NUF2: variants seen among roughly 807,000 people sequenced by gnomAD.
NUF2 encodes kinetochore protein Nuf2.
Under a neutral mutation model 61.8 loss-of-function variants are expected in NUF2, and 34 were observed. That is an observed-to-expected ratio of 0.55 (90% CI 0.42 to 0.73). The LOEUF (loss-of-function observed/expected upper bound fraction) is 0.73, where lower values mean the gene tolerates loss of function less well. Among genes scored for constraint, NUF2 ranks in the 30% least tolerant of loss-of-function variants. NUF2 has a pLI of 0.00. For synonymous variants in NUF2, 172 were observed against 181.6 expected (o/e 0.95, Z 0.42); for missense variants, 445 against 539.1 (o/e 0.83, Z 1.73).
In NUF2 at chr1:163,348,964, G is replaced by A. The variant is rs760423704; in HGVS notation, c.1144G>A (p.Glu382Lys). Residue 382 changes from glutamate (E) to lysine (K), a missense_variant, in exon 13 of 14, where the codon GAA (glutamate) becomes AAA (lysine). Glu to Lys is a moderately conservative substitution (Grantham distance 56). Transcript: ENST00000271452. ...TTTCAGGGATTGCAATAAAGTTCAA[G>A]AAAAAAGAGGTGCTGTCTATGAACG... ...TVIEDCNKVQ[E>K]KRGAVYERVT... 8 of 1,603,264 alleles carry A rather than the reference G, an allele frequency of 5.0e-6. No homozygotes were observed. The African/African-American group carries it at 1.1e-4, about 22-fold the overall frequency.
At chr1:163,341,832 G>A (rs1043888705) in intron 9 of NUF2, among the ~76,000 whole-genome samples, 13 of 152,008 alleles carry the variant, frequency 8.6e-5, no homozygotes, top group Non-Finnish European at 1.6e-4. Flanking sequence ...GTTTTACCAT[G>A]TTGGCCAGGC....
Position 163,355,113 on chromosome 1 carries a change from C to T in NUF2, c.1261-222C>T, listed in dbSNP as rs547097134. On this transcript the variant is annotated intron_variant, in intron 13 of 13. Coordinates refer to ENST00000271452, the MANE Select transcript of NUF2 (RefSeq NM_145697.3). ...TAGAATCCTAACCATTGTCTCATGT[C>T]GCTCCTTTGTTCCTTAAGTAGCAAA... 4.8e-5 allele frequency among the ~76,000 whole-genome samples: 6 copies of T among 124,776 alleles called. No individual in the cohort carries two copies. The East Asian group carries it at 7.5e-4, about 16-fold the overall frequency. 81.9% of individuals were successfully genotyped at this position (124,776 alleles called of 152,430 possible).
chr1:163,324,959 C>T (rs1335469289), intron 1 of NUF2, among the ~76,000 whole-genome samples: 1 of 144,462 alleles, frequency 6.9e-6, no homozygotes, highest in Non-Finnish European at 1.5e-5. Context: ...TGCAGTGGTG[C>T]GATCTCAGTT....
At chr1:163,350,738 A>G (rs1469473452) in intron 13 of NUF2, among the ~76,000 whole-genome samples, 6 of 151,662 alleles carry the variant, frequency 4.0e-5, no homozygotes, top group Admixed American at 6.6e-5. Flanking sequence ...ATCCTCACCC[A>G]AACACATTGA....
chr1:163,347,651 G>C, intron 11 of NUF2, 112 bp from the exon 12 acceptor site: 1 of 775,216 alleles, frequency 1.3e-6, no homozygotes, highest in Non-Finnish European at 1.9e-6. Context: ...AAAGAGTTTT[G>C]TCTCTTTTTA....
At chr1:163,328,117 A>C (rs1318011251) in intron 3 of NUF2, 111 bp from the exon 4 acceptor site, 2 of 639,462 alleles carry the variant, frequency 3.1e-6, no homozygotes, top group African/African-American at 3.7e-5. Flanking sequence ...GATATGTATT[A>C]AGGTTTTTAA....
chr1:163,340,459 G>A, intron 9 of NUF2, 33 bp downstream of exon 9: 1 of 1,510,674 alleles, frequency 6.6e-7, no homozygotes, highest in East Asian at 2.3e-5. Context: ...AGCATTTAAA[G>A]TTTGAATATA....
At chr1:163,351,255 T>G (rs1271663891) in intron 13 of NUF2, among the ~76,000 whole-genome samples, 1 of 152,184 alleles carries the variant, frequency 6.6e-6, no homozygotes, top group Non-Finnish European at 1.5e-5. Context: ...AGCATAATAT[T>G]GGGGTAGATT....
At position 163,347,883 on chromosome 1, in the gene NUF2, T is replaced by C. The variant is rs747296311; in HGVS notation, c.1069T>C (p.Phe357Leu). Residue 357 changes from phenylalanine to leucine, a missense_variant, in exon 12 of 14, where the codon TTC becomes CTC. By Grantham distance (22) the Phe-to-Leu change is conservative (BLOSUM62 0). Coordinates refer to ENST00000271452, the MANE Select transcript of NUF2 (RefSeq NM_145697.3). ...GAAGGAAAAACTTGCCACAGCACAA[T>C]TCAAAATAAATAAGAAGCATGAAGA... Reference protein sequence around the residue: ...VKKEKLATAQFKINKKHEDVK... With the variant: ...VKKEKLATAQLKINKKHEDVK... 1.2e-6 allele frequency: 2 copies of C among 1,608,342 alleles called. No individual in the cohort carries two copies. Among genetic ancestry groups the C allele is most frequent in the Non-Finnish European group, 1.7e-6 (2 of 1,178,152 alleles).
chr1:163,337,723 C>A (rs1169385784), intron 6 of NUF2, among the ~76,000 whole-genome samples: 2 of 152,006 alleles, frequency 1.3e-5, no homozygotes, highest in African/African-American at 4.8e-5. Context: ...TGAAAAATAA[C>A]AAGCTATTTT....
At chr1:163,328,074 TTAA>T in intron 3 of NUF2, 151 bp from the exon 4 acceptor site, 1 of 492,862 alleles carries the variant, frequency 2.0e-6, no homozygotes, top group South Asian at 4.1e-5. Flanking sequence ...GAACCTAGCA[TTAA>T]TAATGATGAA....
chr1:163,336,686 G>A, intron 5 of NUF2, 65 bp from the exon 6 acceptor site: 1 of 982,832 alleles, frequency 1.0e-6, no homozygotes. Context: ...GGAAGAGGAT[G>A]AATTTTCATT....
rs1468298866 is a variant in NUF2 at position 163,355,395 on chromosome 1, G to A, written c.1321G>A (p.Ala441Thr). Reference sequence around the variant, plus strand: ...ATACCACGACGGTATTGAAAAGGCAGCAGAGGACTCCTATGCTAAGATAGA... The same window carrying A: ...ATACCACGACGGTATTGAAAAGGCAACAGAGGACTCCTATGCTAAGATAGA... ...EKYHDGIEKA[A>T]EDSYAKIDEK... The change falls in exon 14 of 14, where the codon GCA becomes ACA. Residue 441 changes from alanine to threonine, a missense_variant. Ala to Thr is a moderately conservative substitution (Grantham distance 58, BLOSUM62 0). Coordinates refer to ENST00000271452, the MANE Select transcript of NUF2 (RefSeq NM_145697.3). 3.7e-6 allele frequency: 6 copies of A among 1,609,454 alleles called. No individual in the cohort carries two copies. Among genetic ancestry groups the A allele is most frequent in the Non-Finnish European group, 4.2e-6 (5 of 1,177,324 alleles).
At chr1:163,346,761 G>C (rs1171830579) in intron 11 of NUF2, among the ~76,000 whole-genome samples, 4 of 152,154 alleles carry the variant, frequency 2.6e-5, no homozygotes, top group Non-Finnish European at 5.9e-5. Context: ...AGTCTGAGGT[G>C]GGAGGATCAC....
At chr1:163,353,182 G>T (rs990745336) in intron 13 of NUF2, among the ~76,000 whole-genome samples, 1 of 152,176 alleles carries the variant, frequency 6.6e-6, no homozygotes, top group African/African-American at 2.4e-5. Flanking sequence ...ATTTAGGAAA[G>T]AAACCATAAT....
chr1:163,324,072 G>T (rs1288680563), intron 1 of NUF2, among the ~76,000 whole-genome samples: 1 of 152,172 alleles, frequency 6.6e-6, no homozygotes, highest in Non-Finnish European at 1.5e-5. Flanking sequence ...AAAATAGTGT[G>T]TGTTAGAGGA....
intron 8 of NUF2, among the ~76,000 whole-genome samples, chr1:163,339,918 A>G (rs1002072466): frequency 2.6e-5 from 4 of 152,078 alleles, no homozygotes; most frequent in African/African-American, 7.2e-5. Flanking sequence ...TGCAGCTGGG[A>G]TTTTGGTATT....
chr1:163,328,873 G>A lies in NUF2; in HGVS notation c.303G>A (p.Val101=). Residue 101 remains valine (V), a synonymous_variant, in exon 5 of 14, where the codon GTG becomes GTA. Coordinates refer to ENST00000271452, the MANE Select transcript of NUF2 (RefSeq NM_145697.3). ...HLDSFLPICR[V]NDFETADILC... ...ACTCATTTTTGCCTATCTGCCGGGT[G>A]AATGACTTTGAGACTGCTGATATTC... The A allele has an allele frequency of 6.2e-7, 1 of 1,607,282 alleles. No individual in the cohort carries two copies. The highest frequency in any genetic ancestry group is 8.5e-7 in the Non-Finnish European group (1 of 1,175,012).
intron 5 of NUF2, among the ~76,000 whole-genome samples, chr1:163,334,953 T>A (rs1245847879): frequency 1.7e-4 from 20 of 115,200 alleles, no homozygotes; most frequent in Non-Finnish European, 2.0e-4. Flanking sequence ...TCTTGTTTTG[T>A]TTTTTTTGTT....
Sources: allele counts gnomAD v4.1 joint callset (sites outside exome capture counted in the v4.1 genomes callset), GRCh38; gene constraint gnomAD v4.1.1; transcripts MANE v1.5; gene names NCBI Gene and HGNC (gene_info 2026-07-23, HGNC 2026-07-21).